Variants in GNAO1 observed in about 807,000 individuals in gnomAD.
GNAO1 encodes guanine nucleotide-binding protein G(o) subunit alpha.
For missense variants in GNAO1, 166 were observed against 478.7 expected (o/e 0.35, Z 6.10); for synonymous variants, 164 against 180.7 (o/e 0.91, Z 0.74).
chr16:56,294,313 G>A (rs2037262351), intron 3 of GNAO1, among the ~76,000 whole-genome samples: 2 of 146,610 alleles, frequency 1.4e-5, no homozygotes, highest in Admixed American at 1.4e-4. Context: ...TGCTCTCTTT[G>A]CTCCAACCAC....
intron 3 of GNAO1, among the ~76,000 whole-genome samples, chr16:56,297,170 C>T (rs1280806101): frequency 7.9e-5 from 12 of 152,144 alleles, no homozygotes; most frequent in African/African-American, 2.7e-4. Context: ...CTCCACCTGC[C>T]TCCCAGCTTG....
At chr16:56,355,152 AC>A in intron 8 of GNAO1, 71 bp downstream of exon 8, 2 of 546,346 alleles carry the variant, frequency 3.7e-6, no homozygotes, top group Non-Finnish European at 3.2e-6. Context: ...ACACACACAC[AC>A]ACCACTAACA....
chr16:56,217,158 A>G (rs78281860), intron 2 of GNAO1, among the ~76,000 whole-genome samples: 2,640 of 152,312 alleles, frequency 0.017, 47 homozygotes, highest in South Asian at 0.052. Flanking sequence ...AAGTTTTTTC[A>G]TGCTGAAACC....
chr16:56,285,923 A>G (rs893042099), intron 3 of GNAO1, among the ~76,000 whole-genome samples: 3 of 152,198 alleles, frequency 2.0e-5, no homozygotes, highest in Admixed American at 1.3e-4. Context: ...TTGTGGATGT[A>G]TAATCCCTTT....
Position 56,354,240 on chromosome 16 carries a change from C to A in GNAO1, c.878-626C>A, listed in dbSNP as rs2037948779. Among the ~76,000 whole-genome samples, 1 of 152,260 alleles carries A rather than the reference C, an allele frequency of 6.6e-6. No homozygotes were observed. Among genetic ancestry groups the A allele is most frequent in the Admixed American group, 6.5e-5 (1 of 15,294 alleles). ...AGGAAGCAAAAGCGTTCATCTGTGG[C>A]CACTGCTGTCCCAGGCGGGGCTTCC... is the stretch of plus-strand genomic sequence containing the variant. On this transcript the variant is annotated intron_variant, in intron 7 of 8. Coordinates refer to ENST00000262493, the MANE Select transcript of GNAO1 (RefSeq NM_020988.3). This position sits in a 1 kb window ranked among gnomAD's most constrained non-coding sequence, Gnocchi z 4.3.
chr16:56,298,394 T>C (rs562456473), intron 3 of GNAO1, among the ~76,000 whole-genome samples: 2 of 152,280 alleles, frequency 1.3e-5, no homozygotes, highest in South Asian at 4.1e-4. Flanking sequence ...CTTGCCCTTA[T>C]TGATCAGCGA....
chr16:56,192,193 G>T lies in GNAO1; in HGVS notation c.-43G>T, dbSNP rs1266252563. ...GGGGGGCGCTCCAAGCCGGGGAGCC[G>T]TGCCAGCCGAGTCGTGCGGGCTGTG... On this transcript the variant is annotated 5_prime_UTR_variant, in exon 1 of 9. Coordinates refer to ENST00000262493, the MANE Select transcript of GNAO1 (RefSeq NM_020988.3). 1.2e-5 allele frequency: 14 copies of T among 1,172,078 alleles called. No individual in the cohort carries two copies. The South Asian group carries it at 1.7e-4, about 14-fold the overall frequency. 72.6% of individuals were successfully genotyped at this position (1,172,078 alleles called of 1,614,324 possible).
intron 2 of GNAO1, among the ~76,000 whole-genome samples, chr16:56,235,927 G>A (rs1247557398): frequency 2.6e-5 from 4 of 152,204 alleles, no homozygotes; most frequent in Non-Finnish European, 5.9e-5. Flanking sequence ...TTATGTACAC[G>A]ACTTGGACCT....
rs566046562 is a variant in GNAO1 at position 56,197,220 on chromosome 16, G to A, written c.161+4604G>A. Among the ~76,000 whole-genome samples the A allele has an allele frequency of 6.6e-5, 10 of 152,330 alleles. No homozygotes were observed. The South Asian group carries it at 1.7e-3, about 25-fold the overall frequency. On this transcript the variant is annotated intron_variant, in intron 2 of 8. Transcript: ENST00000262493. ...ATTTCCCACACTGGCCCCCAGGGTC[G>A]CACGTTGGGTTAGTATTCTACTGAG...
At chr16:56,301,365 G>A (rs764204706) in intron 3 of GNAO1, among the ~76,000 whole-genome samples, 41 of 152,284 alleles carry the variant, frequency 2.7e-4, no homozygotes, top group South Asian at 4.1e-4. Context: ...AGGGATGTGG[G>A]GGAGCCGGAA....
intron 2 of GNAO1, among the ~76,000 whole-genome samples, chr16:56,196,283 ACT>A (rs1377743064): frequency 2.0e-5 from 3 of 151,798 alleles, no homozygotes; most frequent in African/African-American, 4.8e-5. Flanking sequence ...GTAATCAGTG[ACT>A]CTTTTTTTGC....
intron 2 of GNAO1, among the ~76,000 whole-genome samples, chr16:56,215,094 T>C (rs1195345179): frequency 6.6e-6 from 1 of 152,198 alleles, no homozygotes; most frequent in East Asian, 1.9e-4. Flanking sequence ...TCCATACCCA[T>C]AGCTGGTGGC....
At chr16:56,239,533 A>G (rs1043249800) in intron 2 of GNAO1, among the ~76,000 whole-genome samples, 6 of 152,216 alleles carry the variant, frequency 3.9e-5, no homozygotes, top group African/African-American at 1.4e-4. Context: ...AGGGACTGAC[A>G]AGGCACCACC....
At chr16:56,199,021 C>T (rs2036258647) in intron 2 of GNAO1, among the ~76,000 whole-genome samples, 1 of 152,208 alleles carries the variant, frequency 6.6e-6, no homozygotes, top group Admixed American at 6.5e-5. Flanking sequence ...TCTGCCTCTG[C>T]CCCTCCGAGG....
intron 2 of GNAO1, among the ~76,000 whole-genome samples, chr16:56,230,510 A>G (rs1228118018): frequency 2.0e-5 from 3 of 152,084 alleles, no homozygotes; most frequent in African/African-American, 7.2e-5. Flanking sequence ...GGGTGGGGAG[A>G]GACAGAGAGT....
intron 6 of GNAO1, chr16:56,348,064 C>A: frequency 1.0e-6 from 1 of 980,996 alleles, no homozygotes. Flanking sequence ...CACTGCTGCC[C>A]ACCCCATATT....
At chr16:56,241,158 C>T (rs61560133) in intron 2 of GNAO1, among the ~76,000 whole-genome samples, 1,812 of 152,342 alleles carry the variant, frequency 0.012, 41 homozygotes, top group African/African-American at 0.042. Context: ...AGCGCTCTGA[C>T]GCTGCTCCCA....
At chr16:56,261,836 C>T (rs970374458) in intron 2 of GNAO1, among the ~76,000 whole-genome samples, 10 of 152,154 alleles carry the variant, frequency 6.6e-5, no homozygotes, top group Admixed American at 5.2e-4. Flanking sequence ...TGTGACCGTC[C>T]GATGCCCTGC....
At chr16:56,341,987 T>G (rs906691938) in intron 6 of GNAO1, among the ~76,000 whole-genome samples, 7 of 152,182 alleles carry the variant, frequency 4.6e-5, no homozygotes, top group Admixed American at 3.3e-4. Flanking sequence ...ACAGCTCTCC[T>G]ACCTCCTGCC....
Sources: allele counts gnomAD v4.1 joint callset (sites outside exome capture counted in the v4.1 genomes callset), GRCh38; gene constraint gnomAD v4.1.1; non-coding constraint Gnocchi (gnomAD v3.1); transcripts MANE v1.5; gene names NCBI Gene and HGNC (gene_info 2026-07-23, HGNC 2026-07-21).